Variants in CEACAM8 observed in about 807,000 individuals in gnomAD.
The protein encoded by CEACAM8 is CEA cell adhesion molecule 8.
In CEACAM8, 31 loss-of-function variants were observed where a neutral mutation model predicts 33.4. The observed-to-expected ratio is 0.93, with a 90% CI of 0.70 to 1.25. The LOEUF is 1.25. Ranked by LOEUF, CEACAM8 falls within the 50% of genes most tolerant of loss-of-function variation. The pLI, the probability that CEACAM8 is intolerant of heterozygous loss-of-function variation, is 0.00. For synonymous variants in CEACAM8, 138 were observed against 164.5 expected (o/e 0.84, Z 1.23); for missense variants, 388 against 434.6 (o/e 0.89, Z 0.95).
chr19:42,587,617 T>C (rs1254794322), intron 4 of CEACAM8, among the ~76,000 whole-genome samples: 1 of 152,184 alleles, frequency 6.6e-6, no homozygotes, highest in African/African-American at 2.4e-5. Flanking sequence ...TTACTCTTTA[T>C]TGGGCAGAGA....
intron 1 of CEACAM8, 66 bp from the exon 2 acceptor site, chr19:42,593,966 T>C (rs1479274529): frequency 1.3e-6 from 2 of 1,501,924 alleles, no homozygotes; most frequent in East Asian, 4.5e-5. Context: ...AATGGGGACA[T>C]CAGCTTTGGA....
chr19:42,585,898 G>A (rs1216354908), intron 4 of CEACAM8, among the ~76,000 whole-genome samples: 1 of 151,902 alleles, frequency 6.6e-6, no homozygotes, highest in Non-Finnish European at 1.5e-5. Context: ...AATGTTGCAG[G>A]ATACAAAATC....
chr19:42,593,434 T>C lies in CEACAM8; in HGVS notation c.424+107A>G, dbSNP rs866578836. The C allele has an allele frequency of 8.9e-5, 124 of 1,391,522 alleles. 2 individuals are homozygous for C. In the South Asian group the frequency reaches 1.6e-3, roughly 18 times the overall value. The allele number at this position is 1,391,522 out of a possible 1,614,324, so 86.2% of individuals were successfully genotyped here. ...TGCACTAAATGTCCAAACCCTAAAG[T>C]GGGATGTAATGCAGAGAGGGACATG... On this transcript the variant is annotated intron_variant, in intron 2 of 5. Coordinates refer to ENST00000244336, the MANE Select transcript of CEACAM8 (RefSeq NM_001816.4).
intron 2 of CEACAM8, among the ~76,000 whole-genome samples, chr19:42,590,590 T>TGTTTGACA (rs1305501745): frequency 2.0e-5 from 3 of 151,996 alleles, no homozygotes; most frequent in African/African-American, 7.3e-5. Context: ...GGACCGTGGG[T>TGTTTGACA]GTTTGACAGT....
intron 5 of CEACAM8, among the ~76,000 whole-genome samples, chr19:42,581,923 A>ATG (rs2042266697): frequency 1.1e-5 from 1 of 92,698 alleles, no homozygotes; most frequent in Non-Finnish European, 2.0e-5. Flanking sequence ...AAAAAAAAAT[A>ATG]TATATATATA....
chr19:42,585,359 G>T (rs911690492), intron 4 of CEACAM8, among the ~76,000 whole-genome samples: 3 of 125,288 alleles, frequency 2.4e-5, no homozygotes, highest in Non-Finnish European at 5.1e-5. Context: ...AGAAAGAAAA[G>T]AAAATGGAGA....
chr19:42,594,901 C>G lies in CEACAM8; in HGVS notation c.-73G>C. ...CCAGAAACTTTCTGAGCACGGCTGTCAGCTGTGCTGTCCTTCCTCCTTTTG... is the reference window on the plus strand; with the variant it reads ...CCAGAAACTTTCTGAGCACGGCTGTGAGCTGTGCTGTCCTTCCTCCTTTTG... On this transcript the variant is annotated 5_prime_UTR_variant, in exon 1 of 6. Coordinates refer to ENST00000244336, the MANE Select transcript of CEACAM8 (RefSeq NM_001816.4). 1 of 1,507,922 alleles carries G rather than the reference C, an allele frequency of 6.6e-7. No homozygotes were observed. The highest frequency in any genetic ancestry group is 9.0e-7 in the Non-Finnish European group (1 of 1,109,204). 93.4% of individuals were successfully genotyped at this position (1,507,922 alleles called of 1,614,324 possible).
chr19:42,594,681 C>T (rs1454350525), intron 1 of CEACAM8, 84 bp downstream of exon 1: 2 of 1,119,062 alleles, frequency 1.8e-6, no homozygotes, highest in Non-Finnish European at 2.7e-6. Context: ...TCTGTCCCCT[C>T]TCAGAGCCCC....
At chr19:42,581,928 T>TATATAA (rs1221252135) in intron 5 of CEACAM8, among the ~76,000 whole-genome samples, 1 of 96,982 alleles carries the variant, frequency 1.0e-5, no homozygotes, top group African/African-American at 4.8e-5. Flanking sequence ...AAAATATATA[T>TATATAA]ATATATATAT....
chr19:42,581,729 A>C (rs1177543102), intron 5 of CEACAM8, among the ~76,000 whole-genome samples: 1 of 150,516 alleles, frequency 6.6e-6, no homozygotes, highest in African/African-American at 2.5e-5. Flanking sequence ...GTCTCTACTA[A>C]AAATAGAAAA....
In CEACAM8 at chr19:42,589,502, G is replaced by C. The variant is rs751358013; in HGVS notation, c.658C>G (p.Pro220Ala). 6.2e-7 allele frequency: 1 copy of C among 1,614,214 alleles called. No homozygotes were observed. The highest frequency in any genetic ancestry group is 8.5e-7 in the Non-Finnish European group (1 of 1,180,038). ...VGPYECEIQN[P>A]ASANFSDPVT... ...GGGTCACTGAAGTTTGCACTCGCTG[G>C]GTTCTGTATTTCACATTCATAGGGT... Residue 220 changes from proline (P) to alanine (A), a missense_variant, in exon 3 of 6, where the codon CCA (proline) becomes GCA (alanine). Transcript: ENST00000244336.
intron 4 of CEACAM8, among the ~76,000 whole-genome samples, chr19:42,588,028 C>T (rs2042365995): frequency 6.6e-6 from 1 of 152,172 alleles, no homozygotes; most frequent in East Asian, 1.9e-4. Context: ...CTGAATCTCC[C>T]TGTGTCTCCA....
intron 1 of CEACAM8, 106 bp from the exon 2 acceptor site, chr19:42,594,006 T>G (rs1420146762): frequency 9.8e-6 from 12 of 1,221,378 alleles, no homozygotes; most frequent in South Asian, 1.5e-5. Context: ...TGTGTATGTG[T>G]GTGTGTCCTA....
At chr19:42,594,161 G>C (rs547220431) in intron 1 of CEACAM8, among the ~76,000 whole-genome samples, 1 of 152,292 alleles carries the variant, frequency 6.6e-6, no homozygotes, top group South Asian at 2.1e-4. Flanking sequence ...ATCCTTGGGA[G>C]ACCCTTTCTC....
chr19:42,587,629 G>T (rs2042358139), intron 4 of CEACAM8, among the ~76,000 whole-genome samples: 2 of 152,330 alleles, frequency 1.3e-5, no homozygotes, highest in Admixed American at 6.5e-5. Flanking sequence ...GGGCAGAGAA[G>T]TTTATTTAAT....
At chr19:42,590,578 A>G (rs905373041) in intron 2 of CEACAM8, among the ~76,000 whole-genome samples, 2 of 152,210 alleles carry the variant, frequency 1.3e-5, no homozygotes, top group African/African-American at 4.8e-5. Context: ...TTTGGCCCTC[A>G]TGGACCGTGG....
chr19:42,592,777 G>T (rs2042469180), intron 2 of CEACAM8, among the ~76,000 whole-genome samples: 1 of 152,168 alleles, frequency 6.6e-6, no homozygotes, highest in African/African-American at 2.4e-5. Context: ...TTGCCTCCAT[G>T]AGAGGGTCCC....
At chr19:42,584,570 C>T (rs1019361167) in intron 4 of CEACAM8, among the ~76,000 whole-genome samples, 2 of 152,168 alleles carry the variant, frequency 1.3e-5, no homozygotes, top group African/African-American at 4.8e-5. Flanking sequence ...ATTTATGAAA[C>T]ATTTCCTCTG....
At position 42,588,812 on chromosome 19, in the gene CEACAM8, C is replaced by G; in HGVS notation, c.930G>C (p.Arg310Ser). 6.2e-7 allele frequency: 1 copy of G among 1,614,142 alleles called. No homozygotes were observed. The highest frequency in any genetic ancestry group is 1.1e-5 in the South Asian group (1 of 91,074). ...AGACTGTGATCATCCTGACTGTGGT[C>G]CTGTTGCGGCCAGTGGCTGAGTTAG... ...HTTNSATGRNRTTVRMITVSD... is the reference protein window; with the variant it reads ...HTTNSATGRNSTTVRMITVSD... Residue 310 changes from arginine to serine, a missense_variant, in exon 4 of 6, where the codon AGG (arginine) becomes AGC (serine). Transcript: ENST00000244336.
Sources: allele counts gnomAD v4.1 joint callset (sites outside exome capture counted in the v4.1 genomes callset), GRCh38; gene constraint gnomAD v4.1.1; transcripts MANE v1.5; gene names NCBI Gene and HGNC (gene_info 2026-07-23, HGNC 2026-07-21).